The following FRMD6 variants were observed in gnomAD, a reference collection of about 807,000 sequenced individuals.
The protein encoded by FRMD6 is FERM domain containing 6.
FRMD6 carries 37 observed loss-of-function variants against 73.2 expected under a neutral mutation model. That is an observed-to-expected ratio of 0.51 (90% confidence interval 0.39 to 0.66). The LOEUF (loss-of-function observed/expected upper bound fraction) is 0.66, where lower values mean the gene tolerates loss of function less well. FRMD6 is among the 30% of genes least tolerant of loss of function. The pLI, the probability that FRMD6 is intolerant of heterozygous loss-of-function variation, is 0.00. For missense variants in FRMD6, 714 were observed against 780.5 expected (o/e 0.91, Z 1.02); for synonymous variants, 273 against 282.2 (o/e 0.97, Z 0.33).
chr14:51,700,763 T>G (rs1896258518), intron 3 of FRMD6, among the ~76,000 whole-genome samples: 2 of 152,006 alleles, frequency 1.3e-5, no homozygotes, highest in African/African-American at 4.8e-5. Context: ...TAAGTCATAA[T>G]GACCCTAGAA....
At chr14:51,478,933 A>G in the FRMD6 span, among the ~76,000 whole-genome samples, 7 of 152,216 alleles carry the variant, frequency 4.6e-5, no homozygotes, top group South Asian at 4.1e-4. Context: ...ATGTGCCAGA[A>G]GAAATTCGGA....
At chr14:51,469,943 A>G in the FRMD6 span, among the ~76,000 whole-genome samples, 15 of 149,696 alleles carry the variant, frequency 1.0e-4, no homozygotes, top group East Asian at 2.9e-3. Flanking sequence ...ACAGAGACAG[A>G]CTCCGTCTCA....
At chr14:51,716,837 G>A (rs755301192) in intron 10 of FRMD6, among the ~76,000 whole-genome samples, 18 of 152,210 alleles carry the variant, frequency 1.2e-4, no homozygotes, top group Non-Finnish European at 1.9e-4. Flanking sequence ...GATGGGGACA[G>A]GAGGAGGATG....
chr14:51,531,749 T>C (rs1358635703), intron 1 of FRMD6, among the ~76,000 whole-genome samples: 1 of 152,238 alleles, frequency 6.6e-6, no homozygotes, highest in Non-Finnish European at 1.5e-5. Flanking sequence ...TTTCATGGTC[T>C]TTGCTGTTTT....
At chr14:51,715,739 G>A (rs564776627) in intron 10 of FRMD6, among the ~76,000 whole-genome samples, 1 of 152,328 alleles carries the variant, frequency 6.6e-6, no homozygotes. Flanking sequence ...TATCTCTCAA[G>A]TACAGTCTCT....
chr14:51,402,169 A>G, the FRMD6 span, among the ~76,000 whole-genome samples: 1 of 152,336 alleles, frequency 6.6e-6, no homozygotes, highest in Admixed American at 6.5e-5. Context: ...AAAAAGAATC[A>G]TTATGGCCTT....
intron 2 of FRMD6, among the ~76,000 whole-genome samples, chr14:51,587,825 T>C (rs945995473): frequency 1.3e-5 from 2 of 152,206 alleles, no homozygotes; most frequent in African/African-American, 4.8e-5. Context: ...TCCCTGTCCA[T>C]GAAAGTAACC....
chr14:51,681,860 C>A (rs1192135433), intron 1 of FRMD6, among the ~76,000 whole-genome samples: 2 of 152,170 alleles, frequency 1.3e-5, no homozygotes, highest in Admixed American at 6.5e-5. Context: ...GTTTACTGAT[C>A]AATTTTCAAA....
At chr14:51,498,828 A>G (rs1028443737) in intron 1 of FRMD6, among the ~76,000 whole-genome samples, 6 of 152,346 alleles carry the variant, frequency 3.9e-5, no homozygotes, top group South Asian at 2.1e-4. Context: ...GAGTTGGGGA[A>G]TAATTAATGT....
upstream of FRMD6, among the ~76,000 whole-genome samples, chr14:51,487,383 A>G (rs569449803): frequency 9.2e-5 from 14 of 152,372 alleles, no homozygotes; most frequent in South Asian, 4.1e-4. Context: ...TGCTGACTAT[A>G]TGAAAACAAT....
the FRMD6 span, among the ~76,000 whole-genome samples, chr14:51,478,983 G>A: frequency 2.0e-5 from 3 of 152,244 alleles, no homozygotes; most frequent in Admixed American, 6.5e-5. Flanking sequence ...TTGGTTCCTT[G>A]GGAAAATTTT....
chr14:51,401,819 A>T, the FRMD6 span, among the ~76,000 whole-genome samples: 1 of 152,242 alleles, frequency 6.6e-6, no homozygotes, highest in African/African-American at 2.4e-5. Flanking sequence ...GGTGCCCAAG[A>T]CAGCCAGACT....
the FRMD6 span, among the ~76,000 whole-genome samples, chr14:51,479,487 G>C: frequency 6.6e-6 from 1 of 152,206 alleles, no homozygotes; most frequent in Admixed American, 6.5e-5. Flanking sequence ...TGGAAAGCTA[G>C]TTAGAGAGGT....
At chr14:51,544,107 C>A (rs1886341893) in intron 1 of FRMD6, among the ~76,000 whole-genome samples, 1 of 152,002 alleles carries the variant, frequency 6.6e-6, no homozygotes, top group Non-Finnish European at 1.5e-5. Context: ...GCCCCCTTCC[C>A]AGGTATTTTG....
the FRMD6 span, among the ~76,000 whole-genome samples, chr14:51,466,421 A>G: frequency 1.3e-5 from 2 of 152,172 alleles, no homozygotes; most frequent in Non-Finnish European, 1.5e-5. Flanking sequence ...ATTTTAAGTT[A>G]GCATTTGTGT....
At position 51,575,934 on chromosome 14, in the gene FRMD6, A is replaced by C. The variant is rs535600162; in HGVS notation, c.-147+5524A>C. The C allele has an allele frequency of 3.3e-5, 5 of 152,414 alleles. No homozygotes were observed. In the South Asian group the frequency reaches 1.0e-3, roughly 32 times the overall value. 9.4% of individuals were successfully genotyped at this position (152,414 alleles called of 1,614,324 possible). On this transcript the variant is annotated intron_variant, in intron 2 of 14. Coordinates refer to the FRMD6 transcript ENST00000356218. ...CCACATTCTTTGAGAAAGTAGGTGG[A>C]GACCCCATCAGCACCAGGCCACTGG...
intron 2 of FRMD6, among the ~76,000 whole-genome samples, chr14:51,594,535 G>T (rs1889601389): frequency 6.6e-6 from 1 of 151,346 alleles, no homozygotes; most frequent in African/African-American, 2.4e-5. Context: ...CTCCATGTTG[G>T]TCTGGCTGGT....
intron 1 of FRMD6, among the ~76,000 whole-genome samples, chr14:51,558,892 T>C (rs1476686344): frequency 1.3e-5 from 2 of 152,196 alleles, no homozygotes; most frequent in Non-Finnish European, 2.9e-5. Context: ...GTTCCCTGAT[T>C]GTACCACTCT....
chr14:51,653,661 T>C (rs1438494862), intron 1 of FRMD6, among the ~76,000 whole-genome samples: 1 of 152,188 alleles, frequency 6.6e-6, no homozygotes, highest in African/African-American at 2.4e-5. Flanking sequence ...GGAAAACAGA[T>C]GCCTTTGCTG....
Sources: allele counts gnomAD v4.1 joint callset (sites outside exome capture counted in the v4.1 genomes callset), GRCh38; gene constraint gnomAD v4.1.1; transcripts MANE v1.5; gene names NCBI Gene and HGNC (gene_info 2026-07-23, HGNC 2026-07-21).